The following MRC2 variants were observed in gnomAD, a reference collection of about 807,000 sequenced individuals.
The protein encoded by MRC2 is C-type mannose receptor 2.
In MRC2, 84 loss-of-function variants were observed where a neutral mutation model predicts 206.2. The observed-to-expected ratio is 0.41, with a 90% CI of 0.34 to 0.49. The LOEUF (loss-of-function observed/expected upper bound fraction) is 0.49. Ranked by LOEUF, MRC2 falls within the 20% of genes least tolerant of loss-of-function variation. The pLI is 0.31. For missense variants in MRC2, 1,676 were observed against 2,001.5 expected (o/e 0.84, Z 3.10); for synonymous variants, 798 against 800.0 (o/e 1.00, Z 0.04).
chr17:62,680,561 T>C lies in MRC2; in HGVS notation c.2473+108T>C, dbSNP rs2088951434. The C allele has an allele frequency of 4.0e-6, 6 of 1,490,050 alleles. No homozygotes were observed. Among genetic ancestry groups the C allele is most frequent in the Non-Finnish European group, 5.5e-6 (6 of 1,082,544 alleles). 92.3% of individuals were successfully genotyped at this position (1,490,050 alleles called of 1,614,324 possible). On this transcript the variant is annotated intron_variant, in intron 16 of 29. Transcript: ENST00000303375. The surrounding 1 kb of genome is among the most constrained non-coding windows in gnomAD (Gnocchi z 4.8). ...AAATGGAGGGGATGAGGAGTTCCGG[T>C]CGAGAGAAGGGGGACGGGGTTGGCT...
chr17:62,678,429 TG>T, intron 12 of MRC2, 74 bp from the exon 13 acceptor site: 1 of 1,553,718 alleles, frequency 6.4e-7, no homozygotes, highest in South Asian at 1.2e-5. Flanking sequence ...TCTGCCATGG[TG>T]GGAAAGGCAG....
Position 62,680,369 on chromosome 17 carries a change from C to T in MRC2, c.2438-49C>T. 1.4e-5 allele frequency: 22 copies of T among 1,613,738 alleles called. No individual in the cohort carries two copies. Among genetic ancestry groups the T allele is most frequent in the Non-Finnish European group, 1.9e-5 (22 of 1,179,756 alleles). On this transcript the variant is annotated intron_variant, in intron 15 of 29. Coordinates refer to ENST00000303375, the MANE Select transcript of MRC2 (RefSeq NM_006039.5). The surrounding 1 kb of genome is among the most constrained non-coding windows in gnomAD (Gnocchi z 4.8). ...GCGAAGGGTGGCGGGGCCAGGAATT[C>T]CAGGGAGGGTCTCCTTTCCTCACAA...
intron 1 of MRC2, among the ~76,000 whole-genome samples, chr17:62,646,554 C>A (rs556192573): frequency 6.6e-6 from 1 of 152,352 alleles, no homozygotes; most frequent in African/African-American, 2.4e-5. Flanking sequence ...GGATCCCAGT[C>A]AGGGTGAAAA....
Position 62,682,368 on chromosome 17 carries a change from C to T in MRC2, c.2937C>T (p.Phe979=). 1 of 1,606,160 alleles carries T rather than the reference C, an allele frequency of 6.2e-7. No individual in the cohort carries two copies. The highest frequency in any genetic ancestry group is 8.5e-7 in the Non-Finnish European group (1 of 1,177,062). The change falls in exon 20 of 30, where the codon TTC becomes TTT. Residue 979 remains phenylalanine, a synonymous_variant. Transcript: ENST00000303375. ...GCTGCCCCTCTGACTGGATCCAGTT[C>T]CTCAACAAGGTAGGAGGTGGCAATG... is the stretch of plus-strand genomic sequence containing the variant. The part of the protein sequence containing the change: ...LGGCPSDWIQ[F]LNKCFQVQGQ...
intron 1 of MRC2, among the ~76,000 whole-genome samples, chr17:62,634,922 C>G (rs1006343346): frequency 6.6e-6 from 1 of 151,780 alleles, no homozygotes; most frequent in African/African-American, 2.4e-5. Flanking sequence ...CTTCCACCTT[C>G]CGAGTTCAGG....
intron 1 of MRC2, among the ~76,000 whole-genome samples, chr17:62,641,315 G>GAAA (rs536367162): frequency 4.7e-5 from 4 of 84,410 alleles, no homozygotes; most frequent in Non-Finnish European, 9.8e-5. Flanking sequence ...GACTGTCTCA[G>GAAA]AAAAAAAAAA....
chr17:62,674,208 C>A, intron 9 of MRC2, 38 bp downstream of exon 9: 1 of 1,446,892 alleles, frequency 6.9e-7, no homozygotes, highest in Non-Finnish European at 9.4e-7. Context: ...GTGGGGCCAC[C>A]TGTCAGAGGG....
intron 1 of MRC2, among the ~76,000 whole-genome samples, chr17:62,637,930 A>G (rs1013196146): frequency 6.6e-6 from 1 of 152,078 alleles, no homozygotes; most frequent in Non-Finnish European, 1.5e-5. Flanking sequence ...CTGGAGTGCA[A>G]TGGCACTCAC....
At chr17:62,688,807 G>A (rs769913625) in intron 22 of MRC2, 45 bp from the exon 23 acceptor site, 2 of 1,586,230 alleles carry the variant, frequency 1.3e-6, no homozygotes, top group South Asian at 1.1e-5. Flanking sequence ...CAGTAGCACA[G>A]GGAGGCAGCT....
At chr17:62,635,055 T>A (rs988915772) in intron 1 of MRC2, among the ~76,000 whole-genome samples, 1 of 151,834 alleles carries the variant, frequency 6.6e-6, no homozygotes, top group African/African-American at 2.4e-5. Context: ...GGTCTTGAAC[T>A]CCTGACCTCA....
Position 62,692,655 on chromosome 17 carries a change from A to G in MRC2, c.*204A>G. 1 of 577,172 alleles carries G rather than the reference A, an allele frequency of 1.7e-6. No individual in the cohort carries two copies. Among genetic ancestry groups the G allele is most frequent in the East Asian group, 2.9e-5 (1 of 34,444 alleles). 35.8% of individuals were successfully genotyped at this position (577,172 alleles called of 1,614,324 possible). On this transcript the variant is annotated 3_prime_UTR_variant, in exon 30 of 30. Transcript: ENST00000303375. The surrounding 1 kb of genome is among the most constrained non-coding windows in gnomAD (Gnocchi z 4.2). ...GCTGGGCTGAGACCCAGCTGAGTGC[A>G]GCGTGGCGTTTCCCTTTCTGGGGGG...
chr17:62,671,529 C>A lies in MRC2; in HGVS notation c.1118-120C>A, dbSNP rs2088825506. 3.4e-6 allele frequency: 3 copies of A among 880,954 alleles called. No homozygotes were observed. Among genetic ancestry groups the A allele is most frequent in the Non-Finnish European group, 1.7e-6 (1 of 589,912 alleles). 54.6% of individuals were successfully genotyped at this position (880,954 alleles called of 1,614,324 possible). ...ACCTGTGGTGGGGACCGGGATTGAT[C>A]TGGGAGAGTTTGGAGAGGAGGTGAC... On this transcript the variant is annotated intron_variant, in intron 6 of 29. Coordinates refer to ENST00000303375, the MANE Select transcript of MRC2 (RefSeq NM_006039.5). The surrounding 1 kb of genome is among the most constrained non-coding windows in gnomAD (Gnocchi z 4.5).
chr17:62,645,523 ATATATTTTTTTTT>A (rs1393784269), intron 1 of MRC2, among the ~76,000 whole-genome samples: 201 of 40,008 alleles, frequency 5.0e-3, no homozygotes, highest in African/African-American at 0.015. Context: ...ATATATATAT[ATATATTTTTTTTT>A]TTTTTTTTTT....
At chr17:62,683,195 G>A (rs905315169) in intron 20 of MRC2, among the ~76,000 whole-genome samples, 11 of 151,848 alleles carry the variant, frequency 7.2e-5, no homozygotes, top group Non-Finnish European at 1.0e-4. Context: ...TTGGCTGCGC[G>A]TGGTGGGTCA....
At chr17:62,657,017 G>A (rs1003901640) in intron 1 of MRC2, among the ~76,000 whole-genome samples, 1 of 152,204 alleles carries the variant, frequency 6.6e-6, no homozygotes, top group South Asian at 2.1e-4. Context: ...TCTCTGATCA[G>A]CCCTGTTTGA....
chr17:62,636,760 A>G (rs1476212384), intron 1 of MRC2, among the ~76,000 whole-genome samples: 8 of 152,206 alleles, frequency 5.3e-5, no homozygotes, highest in Non-Finnish European at 8.8e-5. Flanking sequence ...CGTGAGTCAC[A>G]GCACCTGGCC....
chr17:62,673,245 C>A (rs2088849333), intron 8 of MRC2, among the ~76,000 whole-genome samples: 2 of 152,302 alleles, frequency 1.3e-5, no homozygotes, highest in Admixed American at 6.5e-5. Flanking sequence ...TAGAGACAGA[C>A]ATACTGCTGG....
At chr17:62,645,228 C>G in intron 1 of MRC2, among the ~76,000 whole-genome samples, 1 of 151,738 alleles carries the variant, frequency 6.6e-6, no homozygotes, top group East Asian at 1.9e-4. Flanking sequence ...ATAAAGTAAG[C>G]CAGGGTCAGC....
chr17:62,643,324 C>T (rs1326028347), intron 1 of MRC2, among the ~76,000 whole-genome samples: 1 of 81,108 alleles, frequency 1.2e-5, no homozygotes, highest in South Asian at 6.2e-4. Context: ...AGTGAAACTC[C>T]GTCAAAAAAA....
Sources: allele counts gnomAD v4.1 joint callset (sites outside exome capture counted in the v4.1 genomes callset), GRCh38; gene constraint gnomAD v4.1.1; non-coding constraint Gnocchi (gnomAD v3.1); transcripts MANE v1.5; gene names NCBI Gene and HGNC (gene_info 2026-07-23, HGNC 2026-07-21).